ASXL2: variants seen among roughly 807,000 people sequenced by gnomAD.
ASXL2 encodes ASXL transcriptional regulator 2.
A neutral mutation model predicts 122.0 loss-of-function variants in ASXL2; 23 were observed. That is an observed-to-expected ratio of 0.19 (90% CI 0.14 to 0.27). The LOEUF (loss-of-function observed/expected upper bound fraction) is 0.27, where lower values mean the gene tolerates loss of function less well. ASXL2 is among the 10% of genes least tolerant of loss of function. The probability of loss-of-function intolerance (pLI) is 1.00; values close to 1 mark genes in which losing one functional copy is unlikely to be tolerated. For synonymous variants in ASXL2, 650 were observed against 637.0 expected, an observed-to-expected ratio of 1.02 and a Z score of -0.31; for missense variants, 1,518 against 1,713.8, an observed-to-expected ratio of 0.89 and a Z score of 2.02.
chr2:25,807,853 C>G (rs1290561488), intron 3 of ASXL2, among the ~76,000 whole-genome samples: 2 of 152,114 alleles, frequency 1.3e-5, no homozygotes, highest in Admixed American at 1.3e-4. Context: ...CTTCTGTTCC[C>G]TCTTCTTTGG....
At chr2:25,758,752 C>G (rs1444617527) in intron 9 of ASXL2, among the ~76,000 whole-genome samples, 1 of 149,218 alleles carries the variant, frequency 6.7e-6, no homozygotes, top group Non-Finnish European at 1.5e-5. Flanking sequence ...AAATGTTTCT[C>G]TTAGCAAAAT....
At chr2:25,775,394 C>T (rs970425736) in intron 5 of ASXL2, among the ~76,000 whole-genome samples, 4 of 152,172 alleles carry the variant, frequency 2.6e-5, no homozygotes, top group African/African-American at 9.7e-5. Flanking sequence ...TCCCAAAGTG[C>T]TGGGATTACA....
At chr2:25,855,622 T>A (rs1035496439) in intron 1 of ASXL2, among the ~76,000 whole-genome samples, 2 of 152,060 alleles carry the variant, frequency 1.3e-5, no homozygotes, top group Non-Finnish European at 2.9e-5. Context: ...GCTGAGATCA[T>A]GCCACTGCAC....
intron 1 of ASXL2, among the ~76,000 whole-genome samples, chr2:25,850,056 C>T (rs925507017): frequency 6.6e-6 from 1 of 152,242 alleles, no homozygotes; most frequent in African/African-American, 2.4e-5. Context: ...CAATTATCAA[C>T]ACATGGCCTA....
intron 1 of ASXL2, among the ~76,000 whole-genome samples, chr2:25,849,637 G>T (rs2149195336): frequency 6.6e-6 from 1 of 151,882 alleles, no homozygotes; most frequent in East Asian, 1.9e-4. Context: ...ACCACACCTG[G>T]CTAATTTTTG....
intron 3 of ASXL2, among the ~76,000 whole-genome samples, chr2:25,807,872 C>T (rs757959511): frequency 7.9e-5 from 12 of 152,146 alleles, no homozygotes; most frequent in Middle Eastern, 3.4e-3. Context: ...GGAGACAGTA[C>T]CCAAAAATTT....
At chr2:25,869,409 T>G (rs1177093850) in intron 1 of ASXL2, among the ~76,000 whole-genome samples, 2 of 152,122 alleles carry the variant, frequency 1.3e-5, no homozygotes, top group African/African-American at 4.8e-5. Flanking sequence ...TTAGCATTCC[T>G]ATGTAAGAAA....
At position 25,742,535 on chromosome 2, in the gene ASXL2, C is replaced by A; in HGVS notation, c.3802G>T (p.Ala1268Ser). ...GCATGAGCCATCTGCTTCTGTGCTG[C>A]CTGAATTAAATCTCTGGCTAGGGTC... ...EKTLARDLIQ[A>S]AQKQMAHAVR... Residue 1268 changes from alanine (A) to serine (S), a missense_variant, in exon 13 of 13, where the codon GCA (alanine) becomes TCA (serine). By Grantham distance (99) the Ala-to-Ser change is moderately conservative. Around this residue, in one of 8 missense-constraint regions of ASXL2, gnomAD observed 831 missense variants for 833.1 expected, o/e 1.00. Coordinates refer to ENST00000435504, the MANE Select transcript of ASXL2 (RefSeq NM_018263.6). The A allele has an allele frequency of 3.1e-6, 5 of 1,613,962 alleles. No homozygotes were observed. The highest frequency in any genetic ancestry group is 4.2e-6 in the Non-Finnish European group (5 of 1,179,874).
chr2:25,873,749 A>ATT (rs796848014), intron 1 of ASXL2, among the ~76,000 whole-genome samples: 1 of 146,294 alleles, frequency 6.8e-6, no homozygotes, highest in Non-Finnish European at 1.5e-5. Flanking sequence ...TGTTTCTCAT[A>ATT]TTTTTTTTTT....
At chr2:25,778,800 T>A (rs777124640) in intron 5 of ASXL2, among the ~76,000 whole-genome samples, 1 of 152,184 alleles carries the variant, frequency 6.6e-6, no homozygotes, top group African/African-American at 2.4e-5. Flanking sequence ...AAATCTTACA[T>A]AACTTTTGGC....
intron 1 of ASXL2, among the ~76,000 whole-genome samples, chr2:25,864,840 T>C (rs1393047543): frequency 6.6e-6 from 1 of 151,984 alleles, no homozygotes; most frequent in African/African-American, 2.4e-5. Flanking sequence ...ACAATTTTTT[T>C]TTTTTTTTGA....
chr2:25,850,174 C>G (rs1012507490), intron 1 of ASXL2, among the ~76,000 whole-genome samples: 1 of 141,344 alleles, frequency 7.1e-6, no homozygotes, highest in Non-Finnish European at 1.6e-5. Flanking sequence ...TCTCTGAAAA[C>G]AAGGACTTAA....
At chr2:25,842,154 T>A (rs1200075114) in intron 2 of ASXL2, among the ~76,000 whole-genome samples, 1 of 149,696 alleles carries the variant, frequency 6.7e-6, no homozygotes, top group Non-Finnish European at 1.5e-5. Flanking sequence ...CACAGAACAC[T>A]ACAACAAACT....
intron 5 of ASXL2, among the ~76,000 whole-genome samples, chr2:25,783,392 G>T: frequency 6.7e-6 from 1 of 148,378 alleles, no homozygotes; most frequent in Non-Finnish European, 1.5e-5. Flanking sequence ...ATATACTCAT[G>T]GTTTTTTCCT....
At chr2:25,785,278 GAC>G (rs1553698487) in intron 5 of ASXL2, among the ~76,000 whole-genome samples, 1 of 151,932 alleles carries the variant, frequency 6.6e-6, no homozygotes, top group Non-Finnish European at 1.5e-5. Flanking sequence ...CTGGCTGGAG[GAC>G]AGTGGCACAA....
chr2:25,866,777 G>A (rs1016951943), intron 1 of ASXL2, among the ~76,000 whole-genome samples: 1 of 152,148 alleles, frequency 6.6e-6, no homozygotes, highest in Non-Finnish European at 1.5e-5. Context: ...CTGTTGCCCA[G>A]GCTGGAGTGC....
chr2:25,822,309 G>A (rs2089321618), intron 3 of ASXL2, among the ~76,000 whole-genome samples: 2 of 152,232 alleles, frequency 1.3e-5, no homozygotes, highest in Non-Finnish European at 2.9e-5. Context: ...TCTGGGGACC[G>A]AGGTGGAGCC....
intron 3 of ASXL2, among the ~76,000 whole-genome samples, chr2:25,824,859 T>C (rs959120378): frequency 6.6e-6 from 1 of 152,222 alleles, no homozygotes; most frequent in Non-Finnish European, 1.5e-5. Context: ...TCTTTCATTC[T>C]TAGTTTCTTT....
At chr2:25,874,687 C>T (rs115561300) in intron 1 of ASXL2, among the ~76,000 whole-genome samples, 18 of 152,298 alleles carry the variant, frequency 1.2e-4, no homozygotes, top group African/African-American at 4.1e-4. Flanking sequence ...TCAATATCCC[C>T]GGTTAGCTAC....
Sources: gnomAD v4.1 joint callset for allele counts (sites outside exome capture counted in the v4.1 genomes callset) on GRCh38, gnomAD v4.1.1 for gene constraint, gnomAD v4.1.1 regional missense constraint, MANE v1.5 for transcripts, NCBI Gene and HGNC (gene_info 2026-07-23, HGNC 2026-07-21) for gene names.